The following LRRC37A2 variants were observed in gnomAD, a reference collection of about 807,000 sequenced individuals.
LRRC37A2 encodes the protein leucine rich repeat containing 37 member A2.
LRRC37A2 carries 9 observed loss-of-function variants against 68.8 expected under a neutral mutation model. That is an observed-to-expected ratio of 0.13 (90% CI 0.08 to 0.23). LRRC37A2 has a LOEUF of 0.23. LRRC37A2 is among the 10% of genes least tolerant of loss of function. The pLI, the probability that LRRC37A2 is intolerant of heterozygous loss-of-function variation, is 1.00. For missense variants in LRRC37A2, 168 were observed against 950.4 expected, an observed-to-expected ratio of 0.18 and a Z score of 10.82; for synonymous variants, 63 against 367.6, an observed-to-expected ratio of 0.17 and a Z score of 9.48.
At chr17:46,973,389 G>C in the LRRC37A2 span, among the ~76,000 whole-genome samples, 145,614 of 152,144 alleles carry the variant, frequency 0.96, 70,011 homozygotes, top group East Asian at 1. Context: ...TCTCGAACTC[G>C]TGGGCTCAAG....
the LRRC37A2 span, among the ~76,000 whole-genome samples, chr17:46,832,267 C>T: frequency 6.6e-6 from 1 of 152,162 alleles, no homozygotes; most frequent in Non-Finnish European, 1.5e-5. Flanking sequence ...GCCTTGACCC[C>T]TCGGAGCCCC....
At chr17:46,738,039 TC>T in the LRRC37A2 span, among the ~76,000 whole-genome samples, 4 of 151,812 alleles carry the variant, frequency 2.6e-5, no homozygotes, top group African/African-American at 9.7e-5. Context: ...GCTCAATTGA[TC>T]CTCCCGCCTC....
chr17:46,784,379 C>G, the LRRC37A2 span, among the ~76,000 whole-genome samples: 1 of 152,082 alleles, frequency 6.6e-6, no homozygotes, highest in Non-Finnish European at 1.5e-5. Context: ...AAGAGAGGGA[C>G]GGAAGCTAGA....
chr17:46,820,893 A>G, the LRRC37A2 span, among the ~76,000 whole-genome samples: 1 of 152,236 alleles, frequency 6.6e-6, no homozygotes, highest in Admixed American at 6.5e-5. Flanking sequence ...CCACTCAGAC[A>G]CCACTGTGGA....
chr17:46,920,360 G>A, the LRRC37A2 span, among the ~76,000 whole-genome samples: 1 of 152,164 alleles, frequency 6.6e-6, no homozygotes, highest in Non-Finnish European at 1.5e-5. Flanking sequence ...TTTTAGGGCT[G>A]TGTCTTGCTT....
chr17:46,745,900 T>C, the LRRC37A2 span, among the ~76,000 whole-genome samples: 1 of 152,204 alleles, frequency 6.6e-6, no homozygotes, highest in African/African-American at 2.4e-5. Context: ...GCTTTTGTTG[T>C]TATTTTGCCC....
chr17:46,879,617 G>C, the LRRC37A2 span, among the ~76,000 whole-genome samples: 1 of 152,204 alleles, frequency 6.6e-6, no homozygotes, highest in Non-Finnish European at 1.5e-5. Context: ...TTATAGATGA[G>C]GTCCAGAGAT....
At chr17:46,805,983 C>T in the LRRC37A2 span, among the ~76,000 whole-genome samples, 1 of 152,202 alleles carries the variant, frequency 6.6e-6, no homozygotes, top group Non-Finnish European at 1.5e-5. Context: ...CTCAGTTTCT[C>T]ATCTGTAGAA....
the LRRC37A2 span, among the ~76,000 whole-genome samples, chr17:46,859,251 C>T: frequency 7.2e-5 from 11 of 152,230 alleles, no homozygotes; most frequent in Non-Finnish European, 1.5e-4. Context: ...GCTGGCATTA[C>T]AGGCGTGAGC....
the LRRC37A2 span, among the ~76,000 whole-genome samples, chr17:47,029,196 A>G: frequency 0.015 from 2,229 of 151,526 alleles, 38 homozygotes; most frequent in African/African-American, 0.052. Flanking sequence ...CAGGTGATCC[A>G]CCCACCTCAG....
the LRRC37A2 span, among the ~76,000 whole-genome samples, chr17:46,757,632 A>G: frequency 6.6e-6 from 1 of 152,160 alleles, no homozygotes; most frequent in African/African-American, 2.4e-5. Context: ...ATAGTTATTT[A>G]AAAACATCAT....
At chr17:46,818,485 C>T in the LRRC37A2 span, 1 of 1,581,100 alleles carries the variant, frequency 6.3e-7, no homozygotes, top group Non-Finnish European at 8.6e-7. Context: ...GGCGGAGAAA[C>T]CGGGCCGCGG....
At chr17:46,978,546 C>CCAG in the LRRC37A2 span, 1 of 1,440,444 alleles carries the variant, frequency 6.9e-7, no homozygotes, top group Non-Finnish European at 9.2e-7. Context: ...CGTAGCTGCC[C>CCAG]GCCCGGAGGC....
the LRRC37A2 span, among the ~76,000 whole-genome samples, chr17:46,779,868 C>T: frequency 6.6e-6 from 1 of 152,130 alleles, no homozygotes; most frequent in Non-Finnish European, 1.5e-5. Flanking sequence ...AAGTGATTCT[C>T]CTGCCTCGGC....
chr17:46,939,028 A>G, the LRRC37A2 span: 2 of 1,294,398 alleles, frequency 1.5e-6, no homozygotes, highest in Non-Finnish European at 2.0e-6. Flanking sequence ...TCACTGGGGG[A>G]GGGAAAGAAT....
At chr17:46,969,857 G>A in the LRRC37A2 span, among the ~76,000 whole-genome samples, 35 of 152,062 alleles carry the variant, frequency 2.3e-4, no homozygotes, top group Admixed American at 3.9e-4. Context: ...GTTACCTTTC[G>A]CGATCCCCTT....
chr17:46,947,886 A>C, the LRRC37A2 span, among the ~76,000 whole-genome samples: 1 of 152,176 alleles, frequency 6.6e-6, no homozygotes, highest in Non-Finnish European at 1.5e-5. Context: ...CTCCTGCCTC[A>C]GCCTCCTGAG....
At chr17:46,949,937 A>G in the LRRC37A2 span, among the ~76,000 whole-genome samples, 1 of 152,204 alleles carries the variant, frequency 6.6e-6, no homozygotes, top group African/African-American at 2.4e-5. Flanking sequence ...GAGCAGACTC[A>G]TTAGTCCCTG....
the LRRC37A2 span, among the ~76,000 whole-genome samples, chr17:46,840,015 C>CTTTTTTCT: frequency 1.2e-5 from 1 of 86,406 alleles, no homozygotes; most frequent in Non-Finnish European, 2.2e-5. Flanking sequence ...TTCTTTCTTT[C>CTTTTTTCT]TTTCTTTCTT....
Sources: gnomAD v4.1 joint callset for allele counts (sites outside exome capture counted in the v4.1 genomes callset) on GRCh38, gnomAD v4.1.1 for gene constraint, MANE v1.5 for transcripts, NCBI Gene and HGNC (gene_info 2026-07-23, HGNC 2026-07-21) for gene names.